Variants in PTPN2 observed in about 807,000 individuals in gnomAD.
The protein encoded by PTPN2 is tyrosine-protein phosphatase non-receptor type 2.
A neutral mutation model predicts 57.3 loss-of-function variants in PTPN2; 19 were observed. The ratio of observed to expected loss-of-function variants is 0.33; its 90% CI spans 0.23 to 0.49. The LOEUF (loss-of-function observed/expected upper bound fraction) is 0.49. Among genes scored for constraint, PTPN2 ranks in the 20% least tolerant of loss-of-function variants. PTPN2 has a pLI of 0.99. For missense variants in PTPN2, 358 were observed against 501.1 expected, an observed-to-expected ratio of 0.71 and a Z score of 2.73; for synonymous variants, 153 against 164.9, an observed-to-expected ratio of 0.93 and a Z score of 0.55.
chr18:12,827,714 T>C (rs1268173161), intron 4 of PTPN2, among the ~76,000 whole-genome samples: 1 of 150,358 alleles, frequency 6.7e-6, no homozygotes, highest in East Asian at 2.0e-4. Flanking sequence ...TTAAGTAAAA[T>C]AGAAATAAAG....
At chr18:12,829,251 C>T (rs2042582955) in intron 4 of PTPN2, among the ~76,000 whole-genome samples, 1 of 152,100 alleles carries the variant, frequency 6.6e-6, no homozygotes, top group Admixed American at 6.5e-5. Flanking sequence ...TGAGGTGGCT[C>T]ACGCCTGTAA....
downstream of PTPN2, among the ~76,000 whole-genome samples, chr18:12,790,388 A>C (rs2040954387): frequency 6.6e-6 from 1 of 152,216 alleles, no homozygotes; most frequent in Non-Finnish European, 1.5e-5. Flanking sequence ...GTCTGGAACT[A>C]GATATGTAAT....
At position 12,834,318 on chromosome 18, in the gene PTPN2, C is replaced by G. The variant is rs1463132010; in HGVS notation, c.261+2473G>C. Among the ~76,000 whole-genome samples the G allele has an allele frequency of 1.9e-4, 20 of 103,518 alleles. No homozygotes were observed. In the Admixed American group the frequency reaches 2.0e-3, roughly 10 times the overall value. The allele number at this position is 103,518 out of a possible 152,430, so 67.9% of individuals were successfully genotyped here. A position where few individuals can be genotyped will look rare whatever the true frequency, so the allele number is the denominator to read the frequency against. ...CTCCAGGCTGGGCAACAGAGTGAGA[C>G]TCCATCTCAAAAAAAAAAAAAAAGA... On this transcript the variant is annotated intron_variant, in intron 3 of 8. Transcript: ENST00000309660.
intron 2 of PTPN2, among the ~76,000 whole-genome samples, chr18:12,850,118 C>G (rs1898682035): frequency 1.3e-5 from 2 of 151,974 alleles, no homozygotes; most frequent in African/African-American, 2.4e-5. Context: ...GTTGTTGTTA[C>G]TTCTTTCTGC....
intron 1 of PTPN2, among the ~76,000 whole-genome samples, chr18:12,881,120 T>C (rs1368814565): frequency 6.6e-6 from 1 of 152,126 alleles, no homozygotes; most frequent in African/African-American, 2.4e-5. Flanking sequence ...CTGCTAGCAG[T>C]CAGAACGATC....
At chr18:12,880,309 A>C (rs745828403) in intron 1 of PTPN2, among the ~76,000 whole-genome samples, 2 of 152,190 alleles carry the variant, frequency 1.3e-5, no homozygotes, top group Non-Finnish European at 2.9e-5. Flanking sequence ...CAAGCAAGAG[A>C]CACAGGCCAT....
At chr18:12,803,309 T>C (rs1174717514) in intron 7 of PTPN2, among the ~76,000 whole-genome samples, 2 of 150,746 alleles carry the variant, frequency 1.3e-5, no homozygotes, top group Non-Finnish European at 3.0e-5. Flanking sequence ...AGGTAAACAA[T>C]AAGAGAGAAA....
At chr18:12,801,099 T>C (rs972861713) in intron 8 of PTPN2, among the ~76,000 whole-genome samples, 1 of 152,260 alleles carries the variant, frequency 6.6e-6, no homozygotes, top group Non-Finnish European at 1.5e-5. Context: ...TATATTAACT[T>C]TTACACTCAA....
At chr18:12,863,542 A>G (rs113149860) in intron 1 of PTPN2, 4 of 48,952 alleles carry the variant, frequency 8.2e-5, no homozygotes, top group African/African-American at 3.5e-4. Context: ...TAGGCTAGCT[A>G]ATTTTTTTTG....
chr18:12,862,307 C>T (rs190344019), intron 1 of PTPN2: 1,632 of 152,160 alleles, frequency 0.011, 9 homozygotes, highest in Non-Finnish European at 0.016. Flanking sequence ...TACAGGCATG[C>T]GCCACCATGC....
At chr18:12,865,438 T>TA (rs376422275) in intron 1 of PTPN2, among the ~76,000 whole-genome samples, 1,678 of 129,464 alleles carry the variant, frequency 0.013, 14 homozygotes, top group African/African-American at 0.022. Flanking sequence ...CTGTCTTTAT[T>TA]AAAAAAAAAA....
intron 1 of PTPN2, among the ~76,000 whole-genome samples, chr18:12,859,556 T>C (rs1438552340): frequency 1.3e-5 from 2 of 152,214 alleles, no homozygotes; most frequent in African/African-American, 4.8e-5. Context: ...GTCTGTGCTC[T>C]AGATCTGTTT....
chr18:12,785,534 G>A, exon 10 of PTPN2: 1 of 471,352 alleles, frequency 2.1e-6, no homozygotes, highest in Non-Finnish European at 3.7e-6. Context: ...CAGTAGGAAT[G>A]GCAGTACAAT....
In PTPN2 at chr18:12,814,310, T is replaced by A. The variant is rs751393298; in HGVS notation, c.751A>T (p.Met251Leu). The A allele has an allele frequency of 1.9e-6, 3 of 1,609,062 alleles. No individual in the cohort carries two copies. Among genetic ancestry groups the A allele is most frequent in the Admixed American group, 1.7e-5 (1 of 58,752 alleles). The change falls in exon 7 of 9, where the codon ATG becomes TTG. Residue 251 changes from methionine to leucine, a missense_variant. By Grantham distance (15) the Met-to-Leu change is conservative (BLOSUM62 2). Around this residue, in one of 4 missense-constraint regions of PTPN2, gnomAD observed 193 missense variants for 315.4 expected, o/e 0.61. Transcript: ENST00000309660. ...DINIKQVLLN[M>L]RKYRMGLIQT... ...ATAAGACCCATTCGGTATTTTCTCA[T>A]GTTCAGTAACACTTGTTTTATGTTA... is the stretch of plus-strand genomic sequence containing the variant.
chr18:12,826,380 G>A (rs1293293097), intron 4 of PTPN2, among the ~76,000 whole-genome samples: 1 of 152,174 alleles, frequency 6.6e-6, no homozygotes, highest in Non-Finnish European at 1.5e-5. Flanking sequence ...TCCAGTCTGG[G>A]TGACAGAGCA....
chr18:12,823,502 C>T (rs2042343017), intron 5 of PTPN2, among the ~76,000 whole-genome samples: 1 of 151,864 alleles, frequency 6.6e-6, no homozygotes, highest in African/African-American at 2.4e-5. Flanking sequence ...AGCGAAACCC[C>T]ATCTCTACTA....
chr18:12,866,368 G>A (rs1467271630), intron 1 of PTPN2, among the ~76,000 whole-genome samples: 1 of 152,014 alleles, frequency 6.6e-6, no homozygotes, highest in Non-Finnish European at 1.5e-5. Context: ...AACCCAGGAG[G>A]CGGGGCTTGC....
In PTPN2 at chr18:12,793,701, T is replaced by A; in HGVS notation, c.*577A>T. The A allele has an allele frequency of 1.0e-6, 1 of 970,998 alleles. No individual in the cohort carries two copies. The highest frequency in any genetic ancestry group is 4.7e-5 in the South Asian group (1 of 21,244). 60.1% of individuals were successfully genotyped at this position (970,998 alleles called of 1,614,324 possible). A position where few individuals can be genotyped will look rare whatever the true frequency, so the allele number is the denominator to read the frequency against. ...AGTACAATTCAATCGACATACAATT[T>A]ATTTTTTTAGTAACAGATTTTTCAA... On this transcript the variant is annotated 3_prime_UTR_variant, in exon 9 of 9. Coordinates refer to ENST00000309660, the MANE Select transcript of PTPN2 (RefSeq NM_002828.4).
At chr18:12,805,828 C>T (rs753116073) in intron 7 of PTPN2, among the ~76,000 whole-genome samples, 65 of 152,142 alleles carry the variant, frequency 4.3e-4, no homozygotes, top group Non-Finnish European at 1.3e-4. Context: ...CAGAGTTTCA[C>T]CATGTTGGCC....
Sources: allele counts gnomAD v4.1 joint callset (sites outside exome capture counted in the v4.1 genomes callset), GRCh38; gene constraint gnomAD v4.1.1; regional missense constraint gnomAD v4.1.1; transcripts MANE v1.5; gene names NCBI Gene and HGNC (gene_info 2026-07-23, HGNC 2026-07-21).